AIDA: variants seen among roughly 807,000 people sequenced by gnomAD.
The protein encoded by AIDA is axin interactor, dorsalization-associated protein.
A neutral mutation model predicts 42.7 loss-of-function variants in AIDA; 18 were observed. That is an observed-to-expected ratio of 0.42 (90% CI 0.29 to 0.63). The LOEUF is 0.63. Among genes scored for constraint, AIDA ranks in the 20% least tolerant of loss-of-function variants. AIDA has a pLI of 0.19. For missense variants in AIDA, 250 were observed against 354.1 expected (o/e 0.71, Z 2.36); for synonymous variants, 104 against 122.9 (o/e 0.85, Z 1.02).
At chr1:222,712,165 C>A in intron 1 of AIDA, 43 bp downstream of exon 1, 2 of 1,556,964 alleles carry the variant, frequency 1.3e-6, no homozygotes, top group Non-Finnish European at 1.7e-6. Context: ...GAGAGGCGCA[C>A]GACTGGAGCC....
intron 7 of AIDA, among the ~76,000 whole-genome samples, chr1:222,674,228 G>A (rs895482128): frequency 1.3e-5 from 2 of 152,162 alleles, no homozygotes; most frequent in Non-Finnish European, 2.9e-5. Flanking sequence ...AGAGTTGCAG[G>A]TGACCACAGA....
At chr1:222,683,892 T>C (rs951354137) in intron 6 of AIDA, among the ~76,000 whole-genome samples, 4 of 152,150 alleles carry the variant, frequency 2.6e-5, no homozygotes, top group Non-Finnish European at 5.9e-5. Context: ...GAGATTAATA[T>C]CAAGAAAGGT....
intron 8 of AIDA, among the ~76,000 whole-genome samples, chr1:222,670,831 T>C (rs1319446191): frequency 1.3e-5 from 2 of 152,218 alleles, no homozygotes. Context: ...AATTGCATGT[T>C]TGTGTCAAGA....
chr1:222,698,971 G>A (rs2124965338), intron 2 of AIDA, among the ~76,000 whole-genome samples: 1 of 151,506 alleles, frequency 6.6e-6, no homozygotes, highest in East Asian at 2.0e-4. Context: ...GACTACAGGT[G>A]CCCGCCACCA....
At position 222,687,586 on chromosome 1, in the gene AIDA, T is replaced by C; in HGVS notation, c.353+9A>G. ...AAAATAAGAAAACAAATATAAATGTTTCTTTTACCTTAATGGGACAGGCTG... is the reference window on the plus strand; with the variant it reads ...AAAATAAGAAAACAAATATAAATGTCTCTTTTACCTTAATGGGACAGGCTG... On this transcript the variant is annotated intron_variant, in intron 5 of 9. Transcript: ENST00000340020. 6.7e-7 allele frequency: 1 copy of C among 1,482,942 alleles called. No homozygotes were observed. The highest frequency in any genetic ancestry group is 9.1e-7 in the Non-Finnish European group (1 of 1,096,114). The allele number at this position is 1,482,942 out of a possible 1,614,324, so 91.9% of individuals were successfully genotyped here.
chr1:222,685,266 A>G (rs938024462), intron 6 of AIDA, among the ~76,000 whole-genome samples: 1 of 152,202 alleles, frequency 6.6e-6, no homozygotes, highest in African/African-American at 2.4e-5. Flanking sequence ...TATACTTAGT[A>G]TCTTGTTAAT....
intron 1 of AIDA, among the ~76,000 whole-genome samples, chr1:222,706,096 A>G (rs553464961): frequency 1.7e-4 from 26 of 152,324 alleles, no homozygotes; most frequent in African/African-American, 6.3e-4. Flanking sequence ...ATTAGTCACT[A>G]AAGAAATGCA....
At chr1:222,676,293 C>T (rs1396854152) in intron 6 of AIDA, 75 bp from the exon 7 acceptor site, 7 of 1,467,480 alleles carry the variant, frequency 4.8e-6, no homozygotes, top group Non-Finnish European at 6.3e-6. Flanking sequence ...AGAGAAGATA[C>T]AGCCTTGCTT....
At chr1:222,682,579 C>CAT (rs1664673228) in intron 6 of AIDA, among the ~76,000 whole-genome samples, 1 of 152,042 alleles carries the variant, frequency 6.6e-6, no homozygotes, top group African/African-American at 2.4e-5. Context: ...ATAATATATA[C>CAT]ATATGATAAT....
At chr1:222,704,945 ACCAAG>A (rs1326027433) in intron 1 of AIDA, among the ~76,000 whole-genome samples, 1 of 152,210 alleles carries the variant, frequency 6.6e-6, no homozygotes. Context: ...TAGATTTTCT[ACCAAG>A]CCAACTGCAG....
chr1:222,687,531 C>A, intron 5 of AIDA, 64 bp downstream of exon 5: 1 of 1,358,650 alleles, frequency 7.4e-7, no homozygotes, highest in Non-Finnish European at 1.0e-6. Flanking sequence ...TTAAGAAAAC[C>A]CAGAACTATC....
rs369701689 is a variant in AIDA at position 222,685,129 on chromosome 1, T to C, written c.460+1801A>G. ...ACATTATTAACAATAAGAGCTACCATTGATAGTGCCTGCAATGTTTCCAAT... is the reference window on the plus strand; with the variant it reads ...ACATTATTAACAATAAGAGCTACCACTGATAGTGCCTGCAATGTTTCCAAT... On this transcript the variant is annotated intron_variant, in intron 6 of 9. Transcript: ENST00000340020. 1.4e-4 allele frequency among the ~76,000 whole-genome samples: 21 copies of C among 152,314 alleles called. No individual in the cohort carries two copies. In the East Asian group the frequency reaches 3.5e-3, roughly 25 times the overall value.
intron 2 of AIDA, among the ~76,000 whole-genome samples, chr1:222,702,051 TA>T (rs1452582473): frequency 2.6e-4 from 39 of 152,124 alleles, no homozygotes; most frequent in Non-Finnish European, 1.5e-5. Flanking sequence ...TTTTAAATTG[TA>T]GTGATTTTTG....
intron 2 of AIDA, among the ~76,000 whole-genome samples, chr1:222,695,554 T>A (rs1480066542): frequency 6.6e-6 from 1 of 152,132 alleles, no homozygotes; most frequent in Non-Finnish European, 1.5e-5. Flanking sequence ...GGGCAAAGAC[T>A]AAAGGCAACA....
chr1:222,682,152 T>C lies in AIDA; in HGVS notation c.460+4778A>G, dbSNP rs1006048571. Among the ~76,000 whole-genome samples the C allele has an allele frequency of 7.2e-5, 11 of 152,200 alleles. No homozygotes were observed. In the East Asian group the frequency reaches 2.1e-3, roughly 29 times the overall value. On this transcript the variant is annotated intron_variant, in intron 6 of 9. Coordinates refer to ENST00000340020, the MANE Select transcript of AIDA (RefSeq NM_022831.4). ...AGAGGAAGGCTGCCATTTCCTTTTTTGTCTTATTATTTCTGCTTTTAAAAA... is the reference window on the plus strand; with the variant it reads ...AGAGGAAGGCTGCCATTTCCTTTTTCGTCTTATTATTTCTGCTTTTAAAAA...
chr1:222,672,364 C>T (rs777946694), intron 8 of AIDA, among the ~76,000 whole-genome samples: 2 of 152,188 alleles, frequency 1.3e-5, no homozygotes, highest in African/African-American at 2.4e-5. Context: ...AGAAGACATA[C>T]TTTGTAACTG....
chr1:222,698,801 T>A (rs1397976958), intron 2 of AIDA, among the ~76,000 whole-genome samples: 1 of 152,012 alleles, frequency 6.6e-6, no homozygotes, highest in African/African-American at 2.4e-5. Context: ...ACAAGTTTCA[T>A]AAAGAAAGCA....
Position 222,682,198 on chromosome 1 carries a change from T to C in AIDA, c.460+4732A>G, listed in dbSNP as rs563759388. Reference sequence around the variant, plus strand: ...AAAAAAATTGCTACTGTTTACATCATATACCACCACCAAAGGAAAATTTTT... The same window carrying C: ...AAAAAAATTGCTACTGTTTACATCACATACCACCACCAAAGGAAAATTTTT... On this transcript the variant is annotated intron_variant, in intron 6 of 9. Transcript: ENST00000340020. Among the ~76,000 whole-genome samples, 8 of 152,290 alleles carry C rather than the reference T, an allele frequency of 5.3e-5. No individual in the cohort carries two copies. In the South Asian group the frequency reaches 1.7e-3, roughly 32 times the overall value.
intron 8 of AIDA, among the ~76,000 whole-genome samples, chr1:222,672,336 A>G (rs1480560255): frequency 6.6e-6 from 1 of 152,240 alleles, no homozygotes; most frequent in Non-Finnish European, 1.5e-5. Flanking sequence ...GAAATGAAAC[A>G]AATCAATAGT....
Sources: allele counts gnomAD v4.1 joint callset (sites outside exome capture counted in the v4.1 genomes callset), GRCh38; gene constraint gnomAD v4.1.1; transcripts MANE v1.5; gene names NCBI Gene and HGNC (gene_info 2026-07-23, HGNC 2026-07-21).